Variants in RAB38 observed in about 807,000 individuals in gnomAD.
RAB38 encodes the protein RAB38, member RAS oncogene family, also known as ras-related protein Rab-38.
A neutral mutation model predicts 18.4 loss-of-function variants in RAB38; 15 were observed. The ratio of observed to expected loss-of-function variants is 0.82; its 90% CI spans 0.55 to 1.26. RAB38 has a LOEUF of 1.26. Among genes scored for constraint, RAB38 ranks in the 50% most tolerant of loss-of-function variants. The pLI is 0.00. For missense variants in RAB38, 294 were observed against 267.4 expected, an observed-to-expected ratio of 1.10 and a Z score of -0.69; for synonymous variants, 101 against 104.4, an observed-to-expected ratio of 0.97 and a Z score of 0.20.
At chr11:87,860,113 T>C in the RAB38 span, among the ~76,000 whole-genome samples, 5 of 151,970 alleles carry the variant, frequency 3.3e-5, no homozygotes, top group Non-Finnish European at 5.9e-5. Flanking sequence ...TAGATTCCAT[T>C]ACTAAAAAAT....
the RAB38 span, among the ~76,000 whole-genome samples, chr11:87,878,251 CATCTATCTATCTATCT>C: frequency 6.8e-4 from 70 of 103,436 alleles, 3 homozygotes; most frequent in African/African-American, 1.0e-3. Flanking sequence ...ACACACCTAT[CATCTATCTATCTATCT>C]ATCTATCTAT....
chr11:88,083,542 A>G, the RAB38 span, among the ~76,000 whole-genome samples: 1 of 151,898 alleles, frequency 6.6e-6, no homozygotes, highest in African/African-American at 2.4e-5. Flanking sequence ...CCCGATGATA[A>G]TATAAATTCT....
the RAB38 span, among the ~76,000 whole-genome samples, chr11:88,026,970 T>C: frequency 3.8e-3 from 578 of 152,326 alleles, 2 homozygotes; most frequent in African/African-American, 0.013. Context: ...TCAATGTTTA[T>C]ATATAAAAAT....
At chr11:87,806,462 A>T in the RAB38 span, among the ~76,000 whole-genome samples, 10 of 152,168 alleles carry the variant, frequency 6.6e-5, no homozygotes, top group Non-Finnish European at 1.5e-4. Flanking sequence ...TGACCTAATC[A>T]TCTCTCAAAG....
At chr11:87,919,101 T>G in the RAB38 span, among the ~76,000 whole-genome samples, 2 of 152,098 alleles carry the variant, frequency 1.3e-5, no homozygotes, top group African/African-American at 2.4e-5. Context: ...CCAACACCAT[T>G]TATTAAATAG....
chr11:87,841,844 ACTC>A, the RAB38 span, among the ~76,000 whole-genome samples: 1 of 152,134 alleles, frequency 6.6e-6, no homozygotes, highest in Non-Finnish European at 1.5e-5. Flanking sequence ...GTGTATAGTC[ACTC>A]CACCTGTAGT....
intron 2 of RAB38, among the ~76,000 whole-genome samples, chr11:88,126,232 GTTTT>G (rs754668842): frequency 1.3e-5 from 2 of 152,096 alleles, no homozygotes; most frequent in Admixed American, 6.6e-5. Context: ...CTTTAAAGTG[GTTTT>G]TTAAGACACA....
the RAB38 span, among the ~76,000 whole-genome samples, chr11:87,865,672 A>G: frequency 9.2e-5 from 14 of 151,742 alleles, no homozygotes; most frequent in African/African-American, 3.4e-4. Context: ...AGAAAGGAGG[A>G]CATGAAGAAA....
At chr11:87,878,971 A>ATTTTTTT in the RAB38 span, among the ~76,000 whole-genome samples, 5 of 133,750 alleles carry the variant, frequency 3.7e-5, no homozygotes, top group Non-Finnish European at 7.9e-5. Flanking sequence ...GCAATTACTG[A>ATTTTTTT]TTTTTTTTTT....
the RAB38 span, among the ~76,000 whole-genome samples, chr11:88,072,507 G>GA: frequency 1.3e-5 from 2 of 152,170 alleles, no homozygotes; most frequent in South Asian, 2.1e-4. Context: ...AAATGGCACA[G>GA]AAAAAATAAA....
At chr11:88,141,989 A>G (rs1942921414) in intron 2 of RAB38, among the ~76,000 whole-genome samples, 1 of 152,164 alleles carries the variant, frequency 6.6e-6, no homozygotes, top group Non-Finnish European at 1.5e-5. Flanking sequence ...GCCAGCTCAT[A>G]TAGTACAGTT....
the RAB38 span, among the ~76,000 whole-genome samples, chr11:88,009,778 C>T: frequency 6.6e-6 from 1 of 152,106 alleles, no homozygotes; most frequent in East Asian, 1.9e-4. Flanking sequence ...TTCATTGTGG[C>T]TGACACATTT....
chr11:88,121,620 T>C (rs747678223), intron 2 of RAB38, among the ~76,000 whole-genome samples: 11 of 152,166 alleles, frequency 7.2e-5, no homozygotes, highest in Non-Finnish European at 1.6e-4. Flanking sequence ...TGGAGTGCAG[T>C]GGCACAATCT....
the RAB38 span, among the ~76,000 whole-genome samples, chr11:87,828,897 C>G: frequency 6.6e-6 from 1 of 152,142 alleles, no homozygotes; most frequent in East Asian, 1.9e-4. Flanking sequence ...CCACAACTTC[C>G]TGTTTGAATA....
At chr11:88,120,445 A>G (rs1942615463) in intron 2 of RAB38, among the ~76,000 whole-genome samples, 1 of 152,304 alleles carries the variant, frequency 6.6e-6, no homozygotes, top group South Asian at 2.1e-4. Context: ...ATCTCCATGA[A>G]GAGAAGGCGT....
At chr11:87,963,102 T>C in the RAB38 span, among the ~76,000 whole-genome samples, 1 of 152,186 alleles carries the variant, frequency 6.6e-6, no homozygotes, top group African/African-American at 2.4e-5. Context: ...TTGATATAAG[T>C]TGCATTAAAC....
intron 1 of RAB38, among the ~76,000 whole-genome samples, chr11:88,162,072 C>T (rs1290227656): frequency 6.6e-6 from 1 of 152,054 alleles, no homozygotes; most frequent in Non-Finnish European, 1.5e-5. Context: ...ATCATAATGG[C>T]TTGTGCTGGT....
the RAB38 span, among the ~76,000 whole-genome samples, chr11:88,004,399 A>T: frequency 6.6e-6 from 1 of 151,122 alleles, no homozygotes; most frequent in Non-Finnish European, 1.5e-5. Flanking sequence ...CACCACACAC[A>T]AAAAAAGCAT....
chr11:88,051,037 C>T, the RAB38 span, among the ~76,000 whole-genome samples: 4 of 152,124 alleles, frequency 2.6e-5, no homozygotes, highest in African/African-American at 9.7e-5. Flanking sequence ...ACTTAAATTG[C>T]AACATTTTGT....
Sources: allele counts gnomAD v4.1 joint callset (sites outside exome capture counted in the v4.1 genomes callset), GRCh38; gene constraint gnomAD v4.1.1; transcripts MANE v1.5; gene names NCBI Gene and HGNC (gene_info 2026-07-23, HGNC 2026-07-21).